The following TAFA2 variants were observed in gnomAD, a reference collection of about 807,000 sequenced individuals.
TAFA2 encodes chemokine-like protein TAFA-2.
Under a neutral mutation model 18.8 loss-of-function variants are expected in TAFA2, and 7 were observed. The ratio of observed to expected loss-of-function variants is 0.37; its 90% confidence interval spans 0.21 to 0.70. The LOEUF (loss-of-function observed/expected upper bound fraction) is 0.70. TAFA2 is among the 30% of genes least tolerant of loss of function. The pLI is 0.53. For synonymous variants in TAFA2, 60 were observed against 54.2 expected, an observed-to-expected ratio of 1.11 and a Z score of -0.47; for missense variants, 122 against 158.1, an observed-to-expected ratio of 0.77 and a Z score of 1.23.
chr12:61,770,390 C>T (rs1869975414), intron 2 of TAFA2, among the ~76,000 whole-genome samples: 1 of 152,024 alleles, frequency 6.6e-6, no homozygotes, highest in African/African-American at 2.4e-5. Flanking sequence ...CAAAGTACAC[C>T]TGGGAAATTC....
chr12:62,128,847 A>G (rs1417809792), intron 1 of TAFA2, among the ~76,000 whole-genome samples: 1 of 152,104 alleles, frequency 6.6e-6, no homozygotes, highest in Non-Finnish European at 1.5e-5. Context: ...CATAACAGGC[A>G]GTTTCTATTG....
At chr12:61,752,179 G>A (rs970574452) in intron 4 of TAFA2, among the ~76,000 whole-genome samples, 1 of 151,850 alleles carries the variant, frequency 6.6e-6, no homozygotes, top group East Asian at 1.9e-4. Context: ...CTTCTCCACT[G>A]GGCTATTAGG....
intron 1 of TAFA2, among the ~76,000 whole-genome samples, chr12:61,991,115 A>T (rs1316837840): frequency 2.0e-5 from 3 of 152,196 alleles, no homozygotes; most frequent in Non-Finnish European, 4.4e-5. Context: ...TCTGGGTTTA[A>T]TTACTTGCTC....
chr12:61,727,578 T>G (rs773596014), intron 4 of TAFA2, among the ~76,000 whole-genome samples: 4 of 152,082 alleles, frequency 2.6e-5, no homozygotes, highest in Non-Finnish European at 5.9e-5. Flanking sequence ...CCCATTTTGT[T>G]TCTAATTGAG....
intron 1 of TAFA2, among the ~76,000 whole-genome samples, chr12:62,217,729 A>T (rs756848490): frequency 1.3e-5 from 2 of 152,202 alleles, no homozygotes; most frequent in Non-Finnish European, 2.9e-5. Flanking sequence ...CAGCTCTCCC[A>T]TGAATATTCT....
chr12:62,005,319 AAATG>A (rs1880511759), intron 1 of TAFA2, among the ~76,000 whole-genome samples: 2 of 152,122 alleles, frequency 1.3e-5, no homozygotes, highest in Admixed American at 6.5e-5. Flanking sequence ...ATAAATGAAT[AAATG>A]AATGAATGGA....
At chr12:62,088,910 C>G (rs182506326) in intron 1 of TAFA2, among the ~76,000 whole-genome samples, 2,899 of 150,508 alleles carry the variant, frequency 0.019, 40 homozygotes, top group Middle Eastern at 0.055. Flanking sequence ...CTCTCTATCT[C>G]TGTGTGTGTG....
chr12:62,121,266 T>A (rs893845763), intron 1 of TAFA2, among the ~76,000 whole-genome samples: 2 of 152,176 alleles, frequency 1.3e-5, no homozygotes, highest in Non-Finnish European at 2.9e-5. Flanking sequence ...AGAAAGACTT[T>A]ATTCCTGCCG....
rs555321770 is a variant in TAFA2 at position 62,070,111 on chromosome 12, T to C, written c.-2+121148A>G. On this transcript the variant is annotated intron_variant, in intron 1 of 4. Transcript: ENST00000416284. Reference sequence around the variant, plus strand: ...GGCAGTTTCCTCTTTAAGATATTTGTTTCTTGTGCTGCTTTATTTTTAGAA... The same window carrying C: ...GGCAGTTTCCTCTTTAAGATATTTGCTTCTTGTGCTGCTTTATTTTTAGAA... 3.9e-5 allele frequency among the ~76,000 whole-genome samples: 6 copies of C among 152,312 alleles called. No homozygotes were observed. In the East Asian group the frequency reaches 1.2e-3, roughly 29 times the overall value.
intron 1 of TAFA2, among the ~76,000 whole-genome samples, chr12:62,164,891 A>G (rs2062428705): frequency 6.6e-6 from 1 of 152,100 alleles, no homozygotes. Flanking sequence ...TAGTAGTGCA[A>G]TAGTGGCAAC....
At chr12:61,764,715 C>T (rs1260865920) in intron 2 of TAFA2, among the ~76,000 whole-genome samples, 1 of 152,028 alleles carries the variant, frequency 6.6e-6, no homozygotes, top group African/African-American at 2.4e-5. Flanking sequence ...AAATGAAAAT[C>T]TAAATATTAC....
At chr12:61,720,762 C>G (rs944729099) in intron 4 of TAFA2, 1 of 383,950 alleles carries the variant, frequency 2.6e-6, no homozygotes, top group Non-Finnish European at 5.1e-6. Flanking sequence ...AACTTCTGTC[C>G]CTTCCTTAGA....
At chr12:61,819,617 C>T (rs1443859738) in intron 2 of TAFA2, among the ~76,000 whole-genome samples, 1 of 152,076 alleles carries the variant, frequency 6.6e-6, no homozygotes, top group Non-Finnish European at 1.5e-5. Flanking sequence ...ATTATCTTTG[C>T]TCGTTTTTCC....
At chr12:61,998,286 G>A (rs976228973) in intron 1 of TAFA2, among the ~76,000 whole-genome samples, 23 of 152,044 alleles carry the variant, frequency 1.5e-4, no homozygotes, top group African/African-American at 5.6e-4. Context: ...TTAAATAAGT[G>A]CAATATAGCA....
At chr12:61,901,525 T>A (rs978901006) in intron 1 of TAFA2, among the ~76,000 whole-genome samples, 3 of 152,096 alleles carry the variant, frequency 2.0e-5, no homozygotes, top group African/African-American at 7.2e-5. Flanking sequence ...ACTTTCCAAC[T>A]CTGATGAAAC....
At chr12:61,997,206 T>A (rs1001486997) in intron 1 of TAFA2, among the ~76,000 whole-genome samples, 17 of 150,912 alleles carry the variant, frequency 1.1e-4, no homozygotes, top group Admixed American at 6.0e-4. Flanking sequence ...TATATATATA[T>A]AACCCATTAA....
chr12:61,932,688 C>T (rs7300516), intron 1 of TAFA2, among the ~76,000 whole-genome samples: 11,184 of 152,184 alleles, frequency 0.073, 1,335 homozygotes, highest in African/African-American at 0.25. Flanking sequence ...GATCTGTCCT[C>T]CTCGACCTCC....
chr12:61,756,496 T>C (rs1352526708), intron 2 of TAFA2, among the ~76,000 whole-genome samples: 1 of 152,100 alleles, frequency 6.6e-6, no homozygotes, highest in Non-Finnish European at 1.5e-5. Flanking sequence ...TTCTCTACAT[T>C]TCTTTATTAG....
At chr12:61,814,801 A>T (rs1872010518) in intron 2 of TAFA2, among the ~76,000 whole-genome samples, 1 of 151,456 alleles carries the variant, frequency 6.6e-6, no homozygotes, top group South Asian at 2.1e-4. Context: ...TGACAGTGGA[A>T]GCAGAGAAAG....
Sources: gnomAD v4.1 joint callset for allele counts (sites outside exome capture counted in the v4.1 genomes callset) on GRCh38, gnomAD v4.1.1 for gene constraint, MANE v1.5 for transcripts, NCBI Gene and HGNC (gene_info 2026-07-23, HGNC 2026-07-21) for gene names.